ABHD2: variants seen among roughly 807,000 people sequenced by gnomAD.
The protein encoded by ABHD2 is abhydrolase domain containing 2, acylglycerol lipase, also known as monoacylglycerol lipase ABHD2.
ABHD2 carries 20 observed loss-of-function variants against 48.1 expected under a neutral mutation model. That is an observed-to-expected ratio of 0.42 (90% CI 0.29 to 0.60). The LOEUF is 0.60. ABHD2 is among the 20% of genes least tolerant of loss of function. The pLI is 0.24. For missense variants in ABHD2, 405 were observed against 550.9 expected (o/e 0.74, Z 2.65); for synonymous variants, 209 against 214.2 (o/e 0.98, Z 0.21).
chr15:89,093,202 C>CA (rs1901668824), intron 1 of ABHD2, among the ~76,000 whole-genome samples: 1 of 101,166 alleles, frequency 9.9e-6, no homozygotes, highest in Admixed American at 1.5e-4. Context: ...TTTTTTGAGA[C>CA]AGAGTCTCAC....
At position 89,188,401 on chromosome 15, in the gene ABHD2, C is replaced by T. The variant is rs1567111977; in HGVS notation, c.926+98C>T. On this transcript the variant is annotated intron_variant, in intron 8 of 10. Transcript: ENST00000352732. This position sits in a 1 kb window ranked among gnomAD's most constrained non-coding sequence, Gnocchi z 4.1. Reference sequence around the variant, plus strand: ...CCAGCACTAGTGTTTGCTCTGCCTACTTGAGTGTTAAGGGTGTTTTTTTCC... The same window carrying T: ...CCAGCACTAGTGTTTGCTCTGCCTATTTGAGTGTTAAGGGTGTTTTTTTCC... The T allele has an allele frequency of 1.1e-5, 12 of 1,044,884 alleles. No homozygotes were observed. Among genetic ancestry groups the T allele is most frequent in the South Asian group, 1.1e-4 (8 of 72,116 alleles). The allele number at this position is 1,044,884 out of a possible 1,614,324, so 64.7% of individuals were successfully genotyped here. A position where few individuals can be genotyped will look rare whatever the true frequency, so the allele number is the denominator to read the frequency against.
In ABHD2 at chr15:89,179,095, C is replaced by T. The variant is rs1419018998; in HGVS notation, c.722+3100C>T. Among the ~76,000 whole-genome samples the T allele has an allele frequency of 7.2e-5, 11 of 152,194 alleles. No individual in the cohort carries two copies. The highest frequency in any genetic ancestry group is 1.6e-4 in the Non-Finnish European group (11 of 68,026). ...AAATACATGTTACTAAGATATTACA[C>T]ATTTAGGCATATGGGTGCCAAGGAG... On this transcript the variant is annotated intron_variant, in intron 6 of 10. Transcript: ENST00000352732. The surrounding 1 kb of genome is among the most constrained non-coding windows in gnomAD (Gnocchi z 4.3).
intron 5 of ABHD2, among the ~76,000 whole-genome samples, chr15:89,156,314 G>C (rs764871422): frequency 1.3e-5 from 2 of 151,270 alleles, no homozygotes; most frequent in East Asian, 2.0e-4. Flanking sequence ...GTAGAGACAG[G>C]GTTTCACCAT....
rs556451845 is a variant in ABHD2 at position 89,098,405 on chromosome 15, C to T, written c.-107+9842C>T. 5.9e-5 allele frequency among the ~76,000 whole-genome samples: 9 copies of T among 152,208 alleles called. No homozygotes were observed. In the South Asian group the frequency reaches 8.3e-4, roughly 14 times the overall value. On this transcript the variant is annotated intron_variant, in intron 1 of 10. Coordinates refer to ENST00000352732, the MANE Select transcript of ABHD2 (RefSeq NM_152924.5). ...TTTATTGAGCTCTTTCCCTGCTGGACGCTGTGCCAGACACTCTGTCCTGAG... is the reference window on the plus strand; with the variant it reads ...TTTATTGAGCTCTTTCCCTGCTGGATGCTGTGCCAGACACTCTGTCCTGAG...
chr15:89,051,040 C>G, the ABHD2 span, among the ~76,000 whole-genome samples: 3 of 152,176 alleles, frequency 2.0e-5, no homozygotes, highest in Admixed American at 6.5e-5. Flanking sequence ...GGAGACAAGC[C>G]TGGCCAGCAT....
At chr15:89,057,062 C>T in the ABHD2 span, among the ~76,000 whole-genome samples, 4 of 152,022 alleles carry the variant, frequency 2.6e-5, no homozygotes, top group African/African-American at 4.8e-5. Flanking sequence ...TACAGGCACA[C>T]GCCACCACGC....
At chr15:89,138,194 G>A (rs894531583) in intron 3 of ABHD2, among the ~76,000 whole-genome samples, 2 of 152,286 alleles carry the variant, frequency 1.3e-5, no homozygotes, top group East Asian at 1.9e-4. Flanking sequence ...GGCCCTTGCC[G>A]GCTTCCTTAC....
the ABHD2 span, among the ~76,000 whole-genome samples, chr15:89,073,152 A>G: frequency 6.6e-6 from 1 of 152,188 alleles, no homozygotes; most frequent in Admixed American, 6.5e-5. Flanking sequence ...GACAAAGAAT[A>G]TACTCAGAAA....
chr15:89,086,892 A>G (rs1032800410), upstream of ABHD2, among the ~76,000 whole-genome samples: 1 of 152,212 alleles, frequency 6.6e-6, no homozygotes, highest in Non-Finnish European at 1.5e-5. Context: ...TTCTTTTCCA[A>G]GATGAAAGAG....
intron 3 of ABHD2, among the ~76,000 whole-genome samples, chr15:89,141,132 C>CTAATTAATTAAT (rs535482186): frequency 3.4e-4 from 51 of 152,002 alleles, no homozygotes; most frequent in African/African-American, 1.1e-3. Flanking sequence ...CCACACCCAG[C>CTAATTAATTAAT]TAATTAATTA....
At chr15:89,090,225 C>G (rs978744273) in intron 1 of ABHD2, 1 of 152,146 alleles carries the variant, frequency 6.6e-6, no homozygotes, top group African/African-American at 2.4e-5. Flanking sequence ...ACTGGCTGTA[C>G]AACCTTGGGC....
chr15:89,187,987 T>C (rs1466008250), intron 7 of ABHD2, among the ~76,000 whole-genome samples: 1 of 152,220 alleles, frequency 6.6e-6, no homozygotes, highest in African/African-American at 2.4e-5. Flanking sequence ...AATCTTTAGT[T>C]TGTCTGGGTA....
rs1596145724 is a variant in ABHD2, at chr15:89,174,538, G to A, written c.539-1274G>A. 6.6e-6 allele frequency among the ~76,000 whole-genome samples: 1 copy of A among 152,274 alleles called. No homozygotes were observed. The highest frequency in any genetic ancestry group is 1.9e-4 in the East Asian group (1 of 5,186). The stretch of plus-strand genomic sequence containing the variant: ...ACCACAAAAGAAGACAGATATAAGG[G>A]GAGTTTACCCCAGGCTCAAAAGATA... On this transcript the variant is annotated intron_variant, in intron 5 of 10. Coordinates refer to ENST00000352732, the MANE Select transcript of ABHD2 (RefSeq NM_152924.5). This position sits in a 1 kb window ranked among gnomAD's most constrained non-coding sequence, Gnocchi z 4.1.
intron 3 of ABHD2, among the ~76,000 whole-genome samples, chr15:89,131,565 A>C (rs1199309252): frequency 6.6e-6 from 1 of 152,182 alleles, no homozygotes; most frequent in Non-Finnish European, 1.5e-5. Flanking sequence ...GTTTCTGACT[A>C]TTGAGAGACT....
At chr15:89,129,201 G>T in intron 3 of ABHD2, among the ~76,000 whole-genome samples, 1 of 150,570 alleles carries the variant, frequency 6.6e-6, no homozygotes, top group East Asian at 2.0e-4. Flanking sequence ...AGGTAGGGGA[G>T]GTTGTGGGGG....
At chr15:89,161,933 A>G (rs2050768806) in intron 5 of ABHD2, among the ~76,000 whole-genome samples, 1 of 151,846 alleles carries the variant, frequency 6.6e-6, no homozygotes, top group Non-Finnish European at 1.5e-5. Flanking sequence ...TTCTTCTGAG[A>G]CCTCTCTTCC....
chr15:89,126,052 C>A (rs2050126271), intron 3 of ABHD2, among the ~76,000 whole-genome samples: 1 of 152,176 alleles, frequency 6.6e-6, no homozygotes, highest in Admixed American at 6.5e-5. Context: ...ATTCTGGTTT[C>A]CAAAAATGTA....
chr15:89,133,539 T>G (rs1215508561), intron 3 of ABHD2, among the ~76,000 whole-genome samples: 1 of 152,234 alleles, frequency 6.6e-6, no homozygotes, highest in Non-Finnish European at 1.5e-5. Flanking sequence ...TTTTGATATT[T>G]GCCAATCTGG....
chr15:89,082,275 C>T, the ABHD2 span, among the ~76,000 whole-genome samples: 3 of 152,154 alleles, frequency 2.0e-5, no homozygotes, highest in African/African-American at 7.2e-5. This position sits in a 1 kb window ranked among gnomAD's most constrained non-coding sequence, Gnocchi z 4.4. Context: ...TCAAAATTAT[C>T]AATGTGGTTT....
Sources: allele counts gnomAD v4.1 joint callset (sites outside exome capture counted in the v4.1 genomes callset), GRCh38; gene constraint gnomAD v4.1.1; non-coding constraint Gnocchi (gnomAD v3.1); transcripts MANE v1.5; gene names NCBI Gene and HGNC (gene_info 2026-07-23, HGNC 2026-07-21).